The following NDUFA12 variants were observed in gnomAD, a reference collection of about 807,000 sequenced individuals.
The protein encoded by NDUFA12 is NADH dehydrogenase [ubiquinone] 1 alpha subcomplex subunit 12.
Under a neutral mutation model 20.3 loss-of-function variants are expected in NDUFA12, and 17 were observed. The ratio of observed to expected loss-of-function variants is 0.84; its 90% CI spans 0.57 to 1.26. The LOEUF (loss-of-function observed/expected upper bound fraction) is 1.26. Ranked by LOEUF, NDUFA12 falls within the 50% of genes most tolerant of loss-of-function variation. The pLI, the probability that NDUFA12 is intolerant of heterozygous loss-of-function variation, is 0.00. For missense variants in NDUFA12, 191 were observed against 183.7 expected, an observed-to-expected ratio of 1.04 and a Z score of -0.23; for synonymous variants, 72 against 63.6, an observed-to-expected ratio of 1.13 and a Z score of -0.63.
chr12:94,993,650 A>C (rs1565818196), intron 3 of NDUFA12, among the ~76,000 whole-genome samples: 2 of 133,720 alleles, frequency 1.5e-5, no homozygotes, highest in Non-Finnish European at 3.2e-5. Context: ...AAAAAAAAAA[A>C]AAAGCCAGGC....
At chr12:94,974,283 A>T (rs1449432804) in intron 3 of NDUFA12, among the ~76,000 whole-genome samples, 1 of 152,112 alleles carries the variant, frequency 6.6e-6, no homozygotes, top group East Asian at 1.9e-4. Flanking sequence ...CAGTAAAAAA[A>T]ACCTACAATG....
chr12:94,984,202 G>A (rs1446545194), intron 3 of NDUFA12, among the ~76,000 whole-genome samples: 1 of 152,150 alleles, frequency 6.6e-6, no homozygotes, highest in Non-Finnish European at 1.5e-5. Context: ...GGTACTGGTG[G>A]GGACACACAA....
At chr12:94,996,205 C>T (rs1036261448) in intron 2 of NDUFA12, among the ~76,000 whole-genome samples, 3 of 151,508 alleles carry the variant, frequency 2.0e-5, no homozygotes, top group African/African-American at 4.8e-5. Flanking sequence ...GACCCTGTCT[C>T]GAAATAAAAG....
chr12:94,980,816 G>GT (rs199682565), intron 3 of NDUFA12, among the ~76,000 whole-genome samples: 12,370 of 146,314 alleles, frequency 0.085, 575 homozygotes, highest in East Asian at 0.16. Flanking sequence ...GTCTTGCTTT[G>GT]TTTTTTTTTT....
chr12:94,976,965 A>G (rs541928309), intron 3 of NDUFA12, among the ~76,000 whole-genome samples: 43 of 152,370 alleles, frequency 2.8e-4, no homozygotes, highest in African/African-American at 1.0e-3. Context: ...AAATCAAAAC[A>G]ATCTTGTCTT....
chr12:94,998,002 T>C (rs1225483641), intron 2 of NDUFA12, among the ~76,000 whole-genome samples: 3 of 152,068 alleles, frequency 2.0e-5, no homozygotes, highest in Non-Finnish European at 2.9e-5. Flanking sequence ...GGACAGCCCC[T>C]CACAACAAAG....
chr12:94,981,998 G>T (rs752022503), intron 3 of NDUFA12, among the ~76,000 whole-genome samples: 3 of 152,166 alleles, frequency 2.0e-5, no homozygotes, highest in Non-Finnish European at 4.4e-5. Context: ...CATAAGATTA[G>T]AGAACATTAA....
At chr12:94,996,602 G>A (rs61935749) in intron 2 of NDUFA12, among the ~76,000 whole-genome samples, 47,260 of 151,440 alleles carry the variant, frequency 0.31, 7,683 homozygotes, top group East Asian at 0.42. Flanking sequence ...GGTGGATCAC[G>A]AGGTCAGGAG....
chr12:94,973,968 C>CTTTTTTTTTTTTTTTTT (rs35862087), intron 3 of NDUFA12, among the ~76,000 whole-genome samples: 1 of 100,954 alleles, frequency 9.9e-6, no homozygotes, highest in Non-Finnish European at 2.0e-5. Flanking sequence ...ACTCTTGGGT[C>CTTTTTTTTTTTTTTTTT]TTTTTTTTTT....
At chr12:94,977,503 A>C (rs7298437) in intron 3 of NDUFA12, among the ~76,000 whole-genome samples, 58,517 of 151,036 alleles carry the variant, frequency 0.39, 12,078 homozygotes, top group African/African-American at 0.52. Flanking sequence ...CCCCTGCCCC[A>C]AAAACCCCAC....
Position 95,001,994 on chromosome 12 carries a change from C to T in NDUFA12, c.169+745G>A, listed in dbSNP as rs1394209198. On this transcript the variant is annotated intron_variant, in intron 2 of 3. Transcript: ENST00000327772. The stretch of plus-strand genomic sequence containing the variant: ...CTGGGATTACAGGCGTGAGCCACCG[C>T]GCCCAGCCGAATTAATTGTTAAAAG... 4.6e-5 allele frequency among the ~76,000 whole-genome samples: 7 copies of T among 151,364 alleles called. No homozygotes were observed. In the East Asian group the frequency reaches 9.9e-4, roughly 21 times the overall value.
At chr12:95,001,128 G>T (rs947066668) in intron 2 of NDUFA12, among the ~76,000 whole-genome samples, 6 of 152,038 alleles carry the variant, frequency 3.9e-5, no homozygotes, top group Admixed American at 6.6e-5. Context: ...AACAAAGTGA[G>T]ACCCCATCTC....
chr12:94,993,624 CAAAAAAAAA>C (rs61481976), intron 3 of NDUFA12, among the ~76,000 whole-genome samples: 2 of 11,354 alleles, frequency 1.8e-4, no homozygotes, highest in Non-Finnish European at 3.0e-4. Flanking sequence ...GACTCTGTCT[CAAAAAAAAA>C]AAAAAAAAAA....
intron 3 of NDUFA12, among the ~76,000 whole-genome samples, chr12:94,973,088 A>G (rs1185915644): frequency 1.3e-5 from 2 of 152,188 alleles, no homozygotes; most frequent in African/African-American, 2.4e-5. Flanking sequence ...TTTCAGTGGA[A>G]TAACTAAAAC....
chr12:94,983,691 G>T (rs1167502473), intron 3 of NDUFA12, among the ~76,000 whole-genome samples: 2 of 152,030 alleles, frequency 1.3e-5, no homozygotes, highest in Non-Finnish European at 2.9e-5. Context: ...CAACTAATAC[G>T]ATCCCAAATC....
At chr12:94,981,724 G>A (rs1206019032) in intron 3 of NDUFA12, among the ~76,000 whole-genome samples, 2 of 152,274 alleles carry the variant, frequency 1.3e-5, no homozygotes, top group South Asian at 2.1e-4. Context: ...ATCAAGGCCT[G>A]ACATATAGGG....
chr12:95,003,039 G>C (rs1328190949), intron 1 of NDUFA12, among the ~76,000 whole-genome samples: 1 of 152,204 alleles, frequency 6.6e-6, no homozygotes. Context: ...AGGACTACTT[G>C]TATCTACTAT....
chr12:94,999,262 G>A (rs1273659463), intron 2 of NDUFA12, among the ~76,000 whole-genome samples: 1 of 152,084 alleles, frequency 6.6e-6, no homozygotes, highest in African/African-American at 2.4e-5. Flanking sequence ...AAATGGTGTT[G>A]GAAAAACTAG....
intron 2 of NDUFA12, among the ~76,000 whole-genome samples, chr12:95,000,710 T>A: frequency 6.6e-6 from 1 of 152,232 alleles, no homozygotes; most frequent in African/African-American, 2.4e-5. Context: ...TCTATGAGTT[T>A]ATTGAGTTTC....
Sources: gnomAD v4.1 joint callset for allele counts (sites outside exome capture counted in the v4.1 genomes callset) on GRCh38, gnomAD v4.1.1 for gene constraint, MANE v1.5 for transcripts, NCBI Gene and HGNC (gene_info 2026-07-23, HGNC 2026-07-21) for gene names.